Variants in TCF4 observed in about 807,000 individuals in gnomAD.
TCF4 encodes the protein SL3-3 enhancer factor 2.
Under a neutral mutation model 82.1 loss-of-function variants are expected in TCF4, and 3 were observed. The observed-to-expected ratio is 0.04, with a 90% confidence interval of 0.02 to 0.09. The LOEUF is 0.09. Ranked by LOEUF, TCF4 falls within the 10% of genes least tolerant of loss-of-function variation. TCF4 has a pLI of 1.00. For synonymous variants in TCF4, 276 were observed against 309.6 expected (o/e 0.89, Z 1.14); for missense variants, 518 against 852.7 (o/e 0.61, Z 4.89).
intron 8 of TCF4, among the ~76,000 whole-genome samples, chr18:55,292,317 TAACTA>T (rs1479087124): frequency 1.3e-5 from 2 of 152,192 alleles, no homozygotes; most frequent in Non-Finnish European, 2.9e-5. Context: ...TAAACTTTGC[TAACTA>T]AATTACTTTG....
intron 5 of TCF4, among the ~76,000 whole-genome samples, chr18:55,432,280 G>A (rs1012184855): frequency 6.6e-6 from 1 of 152,142 alleles, no homozygotes; most frequent in African/African-American, 2.4e-5. Flanking sequence ...TCCAGCCTGG[G>A]CGACAGAGTG....
In TCF4 at chr18:55,226,229, G is replaced by C. The variant is rs1236244390; in HGVS notation, c.*1806C>G. The stretch of plus-strand genomic sequence containing the variant: ...TTTAGACCATTTCAATGGATTTATG[G>C]CATTTACTCAGTGCTGATAGGTGGA... On this transcript the variant is annotated 3_prime_UTR_variant, in exon 20 of 20. Coordinates refer to ENST00000354452, the MANE Select transcript of TCF4 (RefSeq NM_001083962.2). The C allele has an allele frequency of 6.6e-6, 1 of 152,436 alleles. No homozygotes were observed. The highest frequency in any genetic ancestry group is 2.4e-5 in the African/African-American group (1 of 41,406). 9.4% of individuals were successfully genotyped at this position (152,436 alleles called of 1,614,324 possible).
At chr18:55,442,867 C>T (rs1188455943) in intron 5 of TCF4, among the ~76,000 whole-genome samples, 2 of 152,208 alleles carry the variant, frequency 1.3e-5, no homozygotes, top group African/African-American at 2.4e-5. Flanking sequence ...AAGCTCTGCA[C>T]CCTTCTGCAG....
At chr18:55,311,155 A>G (rs992291866) in intron 8 of TCF4, among the ~76,000 whole-genome samples, 1 of 152,212 alleles carries the variant, frequency 6.6e-6, no homozygotes, top group African/African-American at 2.4e-5. Flanking sequence ...CAAAAGAAAA[A>G]AGGAAAGAAA....
chr18:55,539,197 A>G (rs1184423387), intron 3 of TCF4, among the ~76,000 whole-genome samples: 1 of 152,140 alleles, frequency 6.6e-6, no homozygotes, highest in Admixed American at 6.5e-5. Context: ...CCTAAGGGAT[A>G]GGGGCTGGAG....
rs553626368 is a variant in TCF4, at chr18:55,528,348, AC to A, written c.145+56931del. Among the ~76,000 whole-genome samples, 238 of 152,332 alleles carry A rather than the reference AC, an allele frequency of 1.6e-3. 1 individual carries two copies. The highest frequency in any genetic ancestry group is 3.0e-3 in the Non-Finnish European group (205 of 68,036). On this transcript the variant is annotated intron_variant, in intron 3 of 19. Coordinates refer to ENST00000354452, the MANE Select transcript of TCF4 (RefSeq NM_001083962.2). ...TGAAGTCTAGAACTTCACCCTTCAC[AC>A]ATTCAGAAACATCACCATAATCCAA... is the stretch of plus-strand genomic sequence containing the variant.
At chr18:55,545,510 G>A (rs187188479) in intron 3 of TCF4, among the ~76,000 whole-genome samples, 13 of 151,910 alleles carry the variant, frequency 8.6e-5, no homozygotes, top group African/African-American at 9.7e-5. Flanking sequence ...GTGCAGTGGC[G>A]GGATCTCAGC....
intron 2 of TCF4, among the ~76,000 whole-genome samples, chr18:55,612,290 C>T (rs778029501): frequency 2.0e-5 from 3 of 151,786 alleles, no homozygotes; most frequent in Non-Finnish European, 4.4e-5. Context: ...AGAGTTGCTT[C>T]GGGATATGAG....
chr18:55,585,504 G>C (rs1464126589), intron 2 of TCF4, 152 bp from the exon 3 acceptor site: 2 of 769,278 alleles, frequency 2.6e-6, no homozygotes, highest in African/African-American at 3.5e-5. Flanking sequence ...AAAACTAAAA[G>C]AGAAACAACA....
intron 3 of TCF4, among the ~76,000 whole-genome samples, chr18:55,549,146 CA>C (rs1350875786): frequency 1.3e-5 from 2 of 151,976 alleles, no homozygotes; most frequent in Non-Finnish European, 2.9e-5. Flanking sequence ...ACAAAAAATG[CA>C]AAAATTAGCT....
chr18:55,321,473 T>TG (rs1555885048), intron 8 of TCF4: 7 of 777,046 alleles, frequency 9.0e-6, no homozygotes, highest in Admixed American at 6.6e-5. Flanking sequence ...GGGGGAGGAG[T>TG]GGGGGGAAAA....
chr18:55,618,039 A>T (rs1386128583), intron 2 of TCF4, among the ~76,000 whole-genome samples: 1 of 152,136 alleles, frequency 6.6e-6, no homozygotes, highest in Non-Finnish European at 1.5e-5. Context: ...CTTAGAGGAA[A>T]AGTTTTCAGT....
At chr18:55,533,946 T>G (rs2097092942) in intron 3 of TCF4, among the ~76,000 whole-genome samples, 1 of 152,240 alleles carries the variant, frequency 6.6e-6, no homozygotes, top group East Asian at 1.9e-4. Context: ...GTATCCCTTA[T>G]CTCAAAGGCT....
At chr18:55,228,183 G>A (rs1382281292) in intron 19 of TCF4, 38 bp downstream of exon 19, 11 of 1,613,260 alleles carry the variant, frequency 6.8e-6, no homozygotes, top group Admixed American at 6.7e-5. Flanking sequence ...TGAGAGTTTT[G>A]AATGATCGAT....
chr18:55,254,570 T>A lies in TCF4; in HGVS notation c.1277A>T (p.His426Leu). 6.2e-7 allele frequency: 1 copy of A among 1,612,388 alleles called. No homozygotes were observed. Residue 426 changes from histidine to leucine, a missense_variant, in exon 15 of 20, where the codon CAT becomes CTT. Around this residue, in one of 7 missense-constraint regions of TCF4, gnomAD observed 144 missense variants for 190.2 expected, o/e 0.76. Transcript: ENST00000354452. ...GDMHGIIGPS[H>L]NGAMGGLGSG... ...GCCCAGACCACCCATGGCTCCATTA[T>A]GAGAAGGTCCAATGATTCCATGCAT...
At chr18:55,596,418 C>T (rs1322606661) in intron 2 of TCF4, among the ~76,000 whole-genome samples, 1 of 152,158 alleles carries the variant, frequency 6.6e-6, no homozygotes, top group Non-Finnish European at 1.5e-5. Flanking sequence ...GGGTATAATG[C>T]TCTGTCATAA....
chr18:55,521,939 C>T (rs1016936014), intron 3 of TCF4, among the ~76,000 whole-genome samples: 9 of 152,058 alleles, frequency 5.9e-5, no homozygotes, highest in African/African-American at 2.2e-4. Context: ...GAAGAAGCAC[C>T]CATGAACAGT....
At chr18:55,434,707 G>A (rs1285702158) in intron 5 of TCF4, among the ~76,000 whole-genome samples, 3 of 151,384 alleles carry the variant, frequency 2.0e-5, no homozygotes, top group Admixed American at 1.3e-4. Flanking sequence ...GATTACAGGC[G>A]TGAGCCACCG....
At chr18:55,618,169 C>T (rs996569542) in intron 2 of TCF4, among the ~76,000 whole-genome samples, 1 of 152,094 alleles carries the variant, frequency 6.6e-6, no homozygotes, top group African/African-American at 2.4e-5. Flanking sequence ...CATTATATTA[C>T]AAAAGTTTTG....
Sources: allele counts gnomAD v4.1 joint callset (sites outside exome capture counted in the v4.1 genomes callset), GRCh38; gene constraint gnomAD v4.1.1; regional missense constraint gnomAD v4.1.1; transcripts MANE v1.5; gene names NCBI Gene and HGNC (gene_info 2026-07-23, HGNC 2026-07-21).